Variants in MYO7B observed in about 807,000 individuals in gnomAD.
The protein encoded by MYO7B is myosin VIIB.
In MYO7B, 212 loss-of-function variants were observed where a neutral mutation model predicts 259.7. The observed-to-expected ratio is 0.82, with a 90% CI of 0.73 to 0.91. The LOEUF (loss-of-function observed/expected upper bound fraction) is 0.91, where lower values mean the gene tolerates loss of function less well. Among genes scored for constraint, MYO7B ranks in the 40% least tolerant of loss-of-function variants. The pLI is 0.00. For missense variants in MYO7B, 2,732 were observed against 2,813.5 expected (o/e 0.97, Z 0.66); for synonymous variants, 1,197 against 1,166.4 (o/e 1.03, Z -0.54).
Position 127,631,241 on chromosome 2 carries a change from T to C in MYO7B, c.4973T>C (p.Leu1658Pro). ...PEKDMVSMAVLPLARARGHLW... is the reference protein window; with the variant it reads ...PEKDMVSMAVPPLARARGHLW... ...AAGGACATGGTGAGCATGGCCGTGC[T>C]GCCCCTGGCCCGTGCCCGTGGCCAC... The change falls in exon 37 of 48, where the codon CTG becomes CCG. Residue 1658 changes from leucine (L) to proline (P), a missense_variant. Leu to Pro is a moderately conservative substitution (Grantham distance 98, BLOSUM62 -3). This residue lies in a region of MYO7B where 821 missense variants were observed against 769.3 expected (regional missense o/e 1.07). Coordinates refer to ENST00000409816, the MANE Select transcript of MYO7B (RefSeq NM_001393586.1). 1 of 1,609,666 alleles carries C rather than the reference T, an allele frequency of 6.2e-7. No individual in the cohort carries two copies. Among genetic ancestry groups the C allele is most frequent in the Non-Finnish European group, 8.5e-7 (1 of 1,177,614 alleles).
intron 1 of MYO7B, among the ~76,000 whole-genome samples, chr2:127,545,648 C>A (rs1435930731): frequency 6.6e-6 from 1 of 152,260 alleles, no homozygotes; most frequent in Non-Finnish European, 1.5e-5. Context: ...GGTGCACAGG[C>A]TCTGCCACAG....
chr2:127,625,563 A>AC, intron 31 of MYO7B, 28 bp downstream of exon 31: 1 of 1,554,008 alleles, frequency 6.4e-7, no homozygotes, highest in South Asian at 1.2e-5. Flanking sequence ...TCAGGCACCC[A>AC]CCCGAGGGCT....
Position 127,627,387 on chromosome 2 carries a change from GA to G in MYO7B, c.4460+78del. The stretch of plus-strand genomic sequence containing the variant: ...ATCTGGGGGCTCGGGGAGAGATGGG[GA>G]GAGGGGCAGTGTGCCGTCCCGGGTA... On this transcript the variant is annotated intron_variant, in intron 33 of 47. Coordinates refer to ENST00000409816, the MANE Select transcript of MYO7B (RefSeq NM_001393586.1). This position sits in a 1 kb window ranked among gnomAD's most constrained non-coding sequence, Gnocchi z 5.6. 1 of 1,492,870 alleles carries G rather than the reference GA, an allele frequency of 6.7e-7. No homozygotes were observed. 92.5% of individuals were successfully genotyped at this position (1,492,870 alleles called of 1,614,324 possible). A position where few individuals can be genotyped will look rare whatever the true frequency, so the allele number is the denominator to read the frequency against.
At position 127,627,491 on chromosome 2, in the gene MYO7B, C is replaced by A. The variant is rs779611462; in HGVS notation, c.4460+181C>A. On this transcript the variant is annotated intron_variant, in intron 33 of 47. Transcript: ENST00000409816. This position sits in a 1 kb window ranked among gnomAD's most constrained non-coding sequence, Gnocchi z 5.6. ...CGGAGCCCCACCCTCCTGCACCAGG[C>A]CGTACTGCCCATGAAGTACTCCATT... The A allele has an allele frequency of 1.1e-5, 9 of 850,062 alleles. No individual in the cohort carries two copies. Among genetic ancestry groups the A allele is most frequent in the Non-Finnish European group, 1.9e-6 (1 of 524,564 alleles). 52.7% of individuals were successfully genotyped at this position (850,062 alleles called of 1,614,324 possible).
rs754074181 is a variant in MYO7B at position 127,635,842 on chromosome 2, A to G, written c.5941A>G (p.Lys1981Glu). ...NDRSQLASVP[K>E]ILRELVPENL... ...CCGGTCCCAGCTGGCTAGTGTCCCC[A>G]AGATCCTGAGGGAACTGGTGCCTGA... The change falls in exon 44 of 48, where the codon AAG (lysine) becomes GAG (glutamate). Residue 1981 changes from lysine to glutamate, a missense_variant. By Grantham distance (56) the Lys-to-Glu change is moderately conservative. Transcript: ENST00000409816. 5 of 1,585,154 alleles carry G rather than the reference A, an allele frequency of 3.2e-6. No individual in the cohort carries two copies. Among genetic ancestry groups the G allele is most frequent in the African/African-American group, 2.7e-5 (2 of 74,264 alleles).
At position 127,581,880 on chromosome 2, in the gene MYO7B, T is replaced by G; in HGVS notation, c.1081-11T>G. 6.2e-7 allele frequency: 1 copy of G among 1,613,312 alleles called. No individual in the cohort carries two copies. ...CCACAGGTGCGACGCAGCCCCCACC[T>G]GCCTCCCCAGGTGCAGCACCAGGAG... On this transcript the variant is annotated splice_polypyrimidine_tract_variant and intron_variant, in intron 10 of 47. Coordinates refer to ENST00000409816, the MANE Select transcript of MYO7B (RefSeq NM_001393586.1).
At chr2:127,594,808 T>A (rs1398318172) in intron 18 of MYO7B, among the ~76,000 whole-genome samples, 1 of 152,248 alleles carries the variant, frequency 6.6e-6, no homozygotes, top group Non-Finnish European at 1.5e-5. Flanking sequence ...CAGTCTTGCA[T>A]CCTGGGGATG....
At position 127,629,742 on chromosome 2, in the gene MYO7B, C is replaced by A. The variant is rs199574069; in HGVS notation, c.4722C>A (p.Asn1574Lys). 28 of 1,612,100 alleles carry A rather than the reference C, an allele frequency of 1.7e-5. No individual in the cohort carries two copies. The highest frequency in any genetic ancestry group is 2.2e-5 in the Non-Finnish European group (26 of 1,179,450). ...CTGAGAACTGGACCCTCGGCCAGAACGACAGGACAGGCAAGACGGGGCTGG... is the reference window on the plus strand; with the variant it reads ...CTGAGAACTGGACCCTCGGCCAGAAAGACAGGACAGGCAAGACGGGGCTGG... ...LASENWTLGQNDRTGKTGLVP... is the reference protein window; with the variant it reads ...LASENWTLGQKDRTGKTGLVP... Residue 1574 changes from asparagine to lysine, a missense_variant, in exon 35 of 48, where the codon AAC becomes AAA. Coordinates refer to ENST00000409816, the MANE Select transcript of MYO7B (RefSeq NM_001393586.1).
intron 9 of MYO7B, among the ~76,000 whole-genome samples, chr2:127,580,065 A>G (rs1463574203): frequency 6.6e-6 from 1 of 152,222 alleles, no homozygotes; most frequent in East Asian, 1.9e-4. Flanking sequence ...ATTTGGCTTT[A>G]GCGTGGTTAC....
intron 18 of MYO7B, among the ~76,000 whole-genome samples, chr2:127,595,199 G>A (rs1487251496): frequency 6.6e-6 from 1 of 152,118 alleles, no homozygotes; most frequent in Non-Finnish European, 1.5e-5. Flanking sequence ...AATCTTGGGA[G>A]GGTGTATGTG....
rs1482725350 is a variant in MYO7B at position 127,559,175 on chromosome 2, A to T, written c.-23-525A>T. On this transcript the variant is annotated intron_variant, in intron 1 of 47. Transcript: ENST00000409816. The surrounding 1 kb of genome is among the most constrained non-coding windows in gnomAD (Gnocchi z 4.1). ...CTGGCTGCCTGCTCCCTCTAGAACC[A>T]CCAGGTGCTAAGGACAGGTTTGAAA... Among the ~76,000 whole-genome samples, 1 of 152,118 alleles carries T rather than the reference A, an allele frequency of 6.6e-6. No individual in the cohort carries two copies. The highest frequency in any genetic ancestry group is 1.5e-5 in the Non-Finnish European group (1 of 68,012).
At chr2:127,630,989 C>A in intron 36 of MYO7B, 81 bp downstream of exon 36, 1 of 1,440,514 alleles carries the variant, frequency 6.9e-7, no homozygotes. Flanking sequence ...TGCTCCCAGC[C>A]CCGCTCCACC....
At chr2:127,545,979 G>T (rs913573878) in intron 1 of MYO7B, among the ~76,000 whole-genome samples, 1 of 152,228 alleles carries the variant, frequency 6.6e-6, no homozygotes, top group Non-Finnish European at 1.5e-5. Context: ...TGGTGACTTT[G>T]CCTCCTTTGG....
At position 127,622,076 on chromosome 2, in the gene MYO7B, A is replaced by G; in HGVS notation, c.3620A>G (p.Glu1207Gly). 6.5e-7 allele frequency: 1 copy of G among 1,550,340 alleles called. No individual in the cohort carries two copies. Among genetic ancestry groups the G allele is most frequent in the Non-Finnish European group, 8.7e-7 (1 of 1,146,016 alleles). Residue 1207 changes from glutamate (E) to glycine (G), a missense_variant, in exon 28 of 48, where the codon GAG (glutamate) becomes GGG (glycine). Physicochemically the swap from Glu to Gly is moderately conservative, Grantham distance 98. This residue lies in a region of MYO7B where 1,906 missense variants were observed against 2,026.4 expected (regional missense o/e 0.94). Coordinates refer to ENST00000409816, the MANE Select transcript of MYO7B (RefSeq NM_001393586.1). ...RRTYANGVRAEPPTWLELQAV... is the reference protein window; with the variant it reads ...RRTYANGVRAGPPTWLELQAV... ...ACCTATGCCAATGGGGTGCGTGCGGAGCCCCCCACCTGGCTGGAGCTGCAG... is the reference window on the plus strand; with the variant it reads ...ACCTATGCCAATGGGGTGCGTGCGGGGCCCCCCACCTGGCTGGAGCTGCAG...
rs1332820009 is a variant in MYO7B, at chr2:127,611,541, A to G, written c.3193-709A>G. Among the ~76,000 whole-genome samples the G allele has an allele frequency of 2.0e-5, 3 of 152,130 alleles. No homozygotes were observed. The highest frequency in any genetic ancestry group is 4.4e-5 in the Non-Finnish European group (3 of 68,008). ...GAGCCCAGCAAGCCTCACTGCCCTCACGGACTTTGCCAGCTCATGTGTTTC... is the reference window on the plus strand; with the variant it reads ...GAGCCCAGCAAGCCTCACTGCCCTCGCGGACTTTGCCAGCTCATGTGTTTC... On this transcript the variant is annotated intron_variant, in intron 24 of 47. Coordinates refer to ENST00000409816, the MANE Select transcript of MYO7B (RefSeq NM_001393586.1). This position sits in a 1 kb window ranked among gnomAD's most constrained non-coding sequence, Gnocchi z 5.4.
chr2:127,615,408 A>T lies in MYO7B; in HGVS notation c.3398+2805A>T, dbSNP rs900283508. On this transcript the variant is annotated intron_variant, in intron 26 of 47. Transcript: ENST00000409816. This position sits in a 1 kb window ranked among gnomAD's most constrained non-coding sequence, Gnocchi z 4.4. The stretch of plus-strand genomic sequence containing the variant: ...GAAGACAAAAGAAACTTTTAAAGGA[A>T]GGGGTCAGGGGAAGAAGAAAAGGGC... Among the ~76,000 whole-genome samples the T allele has an allele frequency of 6.6e-6, 1 of 152,216 alleles. No individual in the cohort carries two copies. The highest frequency in any genetic ancestry group is 2.4e-5 in the African/African-American group (1 of 41,456).
chr2:127,600,138 T>A (rs1346247906), intron 19 of MYO7B, among the ~76,000 whole-genome samples: 2 of 152,228 alleles, frequency 1.3e-5, no homozygotes, highest in Non-Finnish European at 1.5e-5. Flanking sequence ...GGAATTTTTT[T>A]ATAGAGAGTT....
intron 15 of MYO7B, among the ~76,000 whole-genome samples, chr2:127,589,360 T>G: frequency 7.3e-6 from 1 of 137,828 alleles, no homozygotes. Flanking sequence ...GATGGGTGGG[T>G]GGAATGGTGA....
At chr2:127,624,400 T>A in intron 30 of MYO7B, 80 bp downstream of exon 30, 2 of 1,272,390 alleles carry the variant, frequency 1.6e-6, no homozygotes, top group Non-Finnish European at 2.2e-6. Flanking sequence ...AACTGGCTTC[T>A]GAGGCCAGGT....
Sources: gnomAD v4.1 joint callset for allele counts (sites outside exome capture counted in the v4.1 genomes callset) on GRCh38, gnomAD v4.1.1 for gene constraint, gnomAD v4.1.1 regional missense constraint, Gnocchi (gnomAD v3.1) non-coding constraint, MANE v1.5 for transcripts, NCBI Gene and HGNC (gene_info 2026-07-23, HGNC 2026-07-21) for gene names.